The following IRGC variants were observed in gnomAD, a reference collection of about 807,000 sequenced individuals.
IRGC encodes interferon-inducible GTPase 5.
Under a neutral mutation model 16.1 loss-of-function variants are expected in IRGC, and 4 were observed. The observed-to-expected ratio is 0.25, with a 90% CI of 0.12 to 0.57. The LOEUF (loss-of-function observed/expected upper bound fraction) is 0.57, where lower values mean the gene tolerates loss of function less well. Ranked by LOEUF, IRGC falls within the 20% of genes least tolerant of loss-of-function variation. The pLI, the probability that IRGC is intolerant of heterozygous loss-of-function variation, is 0.92. For synonymous variants in IRGC, 307 were observed against 299.5 expected, an observed-to-expected ratio of 1.03 and a Z score of -0.26; for missense variants, 570 against 643.9, an observed-to-expected ratio of 0.89 and a Z score of 1.24.
Position 43,719,537 on chromosome 19 carries a change from C to T in IRGC, c.979C>T (p.Arg327Cys), listed in dbSNP as rs757989962. The change falls in exon 2 of 2, where the codon CGC becomes TGC. Residue 327 changes from arginine to cysteine, a missense_variant. Physicochemically the swap from Arg to Cys is radical, Grantham distance 180 (BLOSUM62 -3). Coordinates refer to ENST00000244314, the MANE Select transcript of IRGC (RefSeq NM_019612.4). ...GGTGGGCAAACAGGCAGGTGACCTG[C>T]GCTCGGTCATCCGCTCCCCACTGGC... is the stretch of plus-strand genomic sequence containing the variant. ...EQVGKQAGDL[R>C]SVIRSPLANE... The T allele has an allele frequency of 5.0e-6, 8 of 1,602,828 alleles. No individual in the cohort carries two copies. The highest frequency in any genetic ancestry group is 1.1e-5 in the South Asian group (1 of 91,066).
intron 1 of IRGC, among the ~76,000 whole-genome samples, chr19:43,716,476 T>G (rs1369771910): frequency 6.6e-6 from 1 of 152,074 alleles, no homozygotes; most frequent in Non-Finnish European, 1.5e-5. Context: ...GAGCTGGGAC[T>G]ACAGGCATGC....
rs1968209165 is a variant in IRGC, at chr19:43,718,622, G to A, written c.64G>A (p.Glu22Lys). The change falls in exon 2 of 2, where the codon GAA becomes AAA. Residue 22 changes from glutamate to lysine, a missense_variant. Coordinates refer to ENST00000244314, the MANE Select transcript of IRGC (RefSeq NM_019612.4). ...GGAAAACACCATCCTTATGGCCAAGGAAAGGCTGGAGGCCCTGCGCACAGC... is the reference window on the plus strand; with the variant it reads ...GGAAAACACCATCCTTATGGCCAAGAAAAGGCTGGAGGCCCTGCGCACAGC... Reference protein sequence around the residue: ...EEENTILMAKERLEALRTAFE... With the variant: ...EEENTILMAKKRLEALRTAFE... 6.2e-7 allele frequency: 1 copy of A among 1,612,104 alleles called. No homozygotes were observed.
chr19:43,716,935 C>T (rs1360279595), intron 1 of IRGC, among the ~76,000 whole-genome samples: 1 of 152,028 alleles, frequency 6.6e-6, no homozygotes, highest in Non-Finnish European at 1.5e-5. Context: ...TCCCAGGGCA[C>T]CCTGAAGACC....
At chr19:43,716,936 C>T (rs1968178720) in intron 1 of IRGC, among the ~76,000 whole-genome samples, 2 of 152,008 alleles carry the variant, frequency 1.3e-5, no homozygotes, top group African/African-American at 4.8e-5. Flanking sequence ...CCCAGGGCAC[C>T]CTGAAGACCC....
At chr19:43,718,469 G>C (rs1968203751) in intron 1 of IRGC, 24 bp from the exon 2 acceptor site, 5 of 1,498,424 alleles carry the variant, frequency 3.3e-6, no homozygotes, top group Non-Finnish European at 4.4e-6. Context: ...CAGGAGGTGT[G>C]AATGGCTCCC....
chr19:43,718,854 A>G lies in IRGC; in HGVS notation c.296A>G (p.Tyr99Cys), dbSNP rs776442341. The G allele has an allele frequency of 6.2e-7, 1 of 1,613,194 alleles. No individual in the cohort carries two copies. Among genetic ancestry groups the G allele is most frequent in the Admixed American group, 1.7e-5 (1 of 60,028 alleles). Residue 99 changes from tyrosine to cysteine, a missense_variant, in exon 2 of 2, where the codon TAT becomes TGT. By Grantham distance (194) the Tyr-to-Cys change is radical. Transcript: ENST00000244314. ...GAGACCACGATGCAACCGTCGCCCT[A>G]TCCACACCCACAGTTCCCTGACGTG... ...VMETTMQPSPYPHPQFPDVTL... is the reference protein window; with the variant it reads ...VMETTMQPSPCPHPQFPDVTL...
chr19:43,717,105 G>A (rs985182037), intron 1 of IRGC, among the ~76,000 whole-genome samples: 12 of 152,078 alleles, frequency 7.9e-5, no homozygotes, highest in Admixed American at 7.9e-4. Flanking sequence ...GGGAGGCAAG[G>A]GCTGCCATGG....
rs1968186740 is a variant in IRGC, at chr19:43,717,379, C to G, written c.-66-1114C>G. On this transcript the variant is annotated intron_variant, in intron 1 of 1. Coordinates refer to ENST00000244314, the MANE Select transcript of IRGC (RefSeq NM_019612.4). ...ATGACGATGATGGTGATGCCAATGACACGAGGCACCTGCCCTGAGCCAGGC... is the reference window on the plus strand; with the variant it reads ...ATGACGATGATGGTGATGCCAATGAGACGAGGCACCTGCCCTGAGCCAGGC... Among the ~76,000 whole-genome samples the G allele has an allele frequency of 2.6e-5, 4 of 152,314 alleles. No homozygotes were observed. The South Asian group carries it at 8.3e-4, about 32-fold the overall frequency.
intron 1 of IRGC, among the ~76,000 whole-genome samples, chr19:43,716,878 CCTT>C (rs1216297774): frequency 6.6e-6 from 1 of 152,122 alleles, no homozygotes; most frequent in Non-Finnish European, 1.5e-5. Flanking sequence ...GAGCCTCAGT[CCTT>C]CTCCCTGTCA....
rs1351994205 is a variant in IRGC at position 43,718,651 on chromosome 19, T to C, written c.93T>C (p.Phe31=). The C allele has an allele frequency of 6.2e-7, 1 of 1,613,490 alleles. No individual in the cohort carries two copies. The highest frequency in any genetic ancestry group is 8.5e-7 in the Non-Finnish European group (1 of 1,180,006). The part of the protein sequence containing the change: ...KERLEALRTA[F]ESGDLPQAAS... The stretch of plus-strand genomic sequence containing the variant: ...GGCTGGAGGCCCTGCGCACAGCCTT[T>C]GAGTCGGGTGACCTCCCCCAGGCCG... The change falls in exon 2 of 2, where the codon TTT becomes TTC. Residue 31 remains phenylalanine (F), a synonymous_variant. Coordinates refer to ENST00000244314, the MANE Select transcript of IRGC (RefSeq NM_019612.4).
rs1007949164 is a variant in IRGC, at chr19:43,719,017, C to T, written c.459C>T (p.Ala153=). ...RRCGAVETRL[A]AEILCQGKKF... is the part of the protein sequence containing the mutation. Reference sequence around the variant, plus strand: ...GCGGGGCCGTCGAGACCCGCCTGGCCGCTGAGATCCTGTGCCAGGGCAAGA... The same window carrying T: ...GCGGGGCCGTCGAGACCCGCCTGGCTGCTGAGATCCTGTGCCAGGGCAAGA... The change falls in exon 2 of 2, where the codon GCC becomes GCT. Residue 153 remains alanine, a synonymous_variant. Transcript: ENST00000244314. The T allele has an allele frequency of 7.4e-6, 12 of 1,612,576 alleles. No homozygotes were observed. In the African/African-American group the frequency reaches 1.2e-4, roughly 16 times the overall value.
chr19:43,719,393 G>A lies in IRGC; in HGVS notation c.835G>A (p.Ala279Thr). ...CGCCCTGGTGTTGGGCGTCATCCAG[G>A]CCCTGCCGGTCCCAGGGCTGGCGGC... is the stretch of plus-strand genomic sequence containing the variant. ...KTALVLGVIQ[A>T]LPVPGLAAAY... The change falls in exon 2 of 2, where the codon GCC (alanine) becomes ACC (threonine). Residue 279 changes from alanine to threonine, a missense_variant. Ala to Thr is a moderately conservative substitution (Grantham distance 58, BLOSUM62 0). Transcript: ENST00000244314. 1 of 1,609,838 alleles carries A rather than the reference G, an allele frequency of 6.2e-7. No homozygotes were observed. The highest frequency in any genetic ancestry group is 8.5e-7 in the Non-Finnish European group (1 of 1,177,304).
At position 43,719,695 on chromosome 19, in the gene IRGC, C is replaced by T. The variant is rs769639199; in HGVS notation, c.1137C>T (p.Gly379=). Residue 379 remains glycine, a synonymous_variant, in exon 2 of 2, where the codon GGC becomes GGT. Coordinates refer to ENST00000244314, the MANE Select transcript of IRGC (RefSeq NM_019612.4). The part of the protein sequence containing the change: ...GTLVAGGISF[G]AVYTMLQGCL... ...TGGTGGCTGGCGGCATCAGCTTTGGCGCTGTCTACACCATGCTCCAGGGCT... is the reference window on the plus strand; with the variant it reads ...TGGTGGCTGGCGGCATCAGCTTTGGTGCTGTCTACACCATGCTCCAGGGCT... 1.6e-5 allele frequency: 26 copies of T among 1,611,412 alleles called. No homozygotes were observed. The highest frequency in any genetic ancestry group is 2.2e-5 in the South Asian group (2 of 90,994).
At chr19:43,717,874 C>T (rs1167377947) in intron 1 of IRGC, among the ~76,000 whole-genome samples, 1 of 152,154 alleles carries the variant, frequency 6.6e-6, no homozygotes. Context: ...TCAAGACCAG[C>T]TGGGACAACA....
rs759571667 is a variant in IRGC, at chr19:43,719,160, G to C, written c.602G>C (p.Arg201Pro). 1.4e-5 allele frequency: 23 copies of C among 1,609,468 alleles called. No homozygotes were observed. In the South Asian group the frequency reaches 2.4e-4, roughly 17 times the overall value. The stretch of plus-strand genomic sequence containing the variant: ...GAGATCCGAGACCACTGTGCCGAGC[G>C]GCTGCGGGAGGCCGGCGTGGCTGAC... Reference protein sequence around the residue: ...LQEIRDHCAERLREAGVADPR... With the variant: ...LQEIRDHCAEPLREAGVADPR... Residue 201 changes from arginine (R) to proline (P), a missense_variant, in exon 2 of 2, where the codon CGG becomes CCG. Coordinates refer to ENST00000244314, the MANE Select transcript of IRGC (RefSeq NM_019612.4).
chr19:43,719,591 C>G lies in IRGC; in HGVS notation c.1033C>G (p.Arg345Gly). 2 of 1,602,622 alleles carry G rather than the reference C, an allele frequency of 1.2e-6. No homozygotes were observed. Among genetic ancestry groups the G allele is most frequent in the Non-Finnish European group, 1.7e-6 (2 of 1,179,806 alleles). The part of the protein sequence containing the change: ...ANEVSPETVL[R>G]LYSQSSDGAM... ...CGAGGTCTCGCCTGAGACTGTCCTG[C>G]GGCTCTATTCCCAGTCGTCCGACGG... Residue 345 changes from arginine (R) to glycine (G), a missense_variant, in exon 2 of 2, where the codon CGG becomes GGG. By Grantham distance (125) the Arg-to-Gly change is moderately radical. Coordinates refer to ENST00000244314, the MANE Select transcript of IRGC (RefSeq NM_019612.4).
rs1279113510 is a variant in IRGC at position 43,719,808 on chromosome 19, T to G, written c.1250T>G (p.Val417Gly). 1.9e-6 allele frequency: 3 copies of G among 1,613,692 alleles called. No individual in the cohort carries two copies. Among genetic ancestry groups the G allele is most frequent in the Non-Finnish European group, 2.5e-6 (3 of 1,179,890 alleles). The change falls in exon 2 of 2, where the codon GTG becomes GGG. Residue 417 changes from valine to glycine, a missense_variant. By Grantham distance (109) the Val-to-Gly change is moderately radical (BLOSUM62 -3). Transcript: ENST00000244314. ...CCGCAGCCGGAGGTCAGCTTGGAAGTGGCCAGTGACAATGGCGTGGAAAAG... is the reference window on the plus strand; with the variant it reads ...CCGCAGCCGGAGGTCAGCTTGGAAGGGGCCAGTGACAATGGCGTGGAAAAG... ...DEPQPEVSLE[V>G]ASDNGVEKGG...
chr19:43,716,814 T>C (rs1254870846), intron 1 of IRGC, among the ~76,000 whole-genome samples: 5 of 151,990 alleles, frequency 3.3e-5, no homozygotes, highest in Admixed American at 6.6e-5. Context: ...CCTGGGGACC[T>C]GGGTTGGGGT....
Position 43,719,165 on chromosome 19 carries a change from C to T in IRGC, c.607C>T (p.Arg203Trp), listed in dbSNP as rs752810297. 9 of 1,609,182 alleles carry T rather than the reference C, an allele frequency of 5.6e-6. No individual in the cohort carries two copies. In the South Asian group the frequency reaches 7.7e-5, roughly 14 times the overall value. The change falls in exon 2 of 2, where the codon CGG becomes TGG. Residue 203 changes from arginine to tryptophan, a missense_variant. Coordinates refer to ENST00000244314, the MANE Select transcript of IRGC (RefSeq NM_019612.4). ...EIRDHCAERL[R>W]EAGVADPRIF... is the part of the protein sequence containing the mutation. The stretch of plus-strand genomic sequence containing the variant: ...CCGAGACCACTGTGCCGAGCGGCTG[C>T]GGGAGGCCGGCGTGGCTGACCCTCG...
Sources: allele counts gnomAD v4.1 joint callset (sites outside exome capture counted in the v4.1 genomes callset), GRCh38; gene constraint gnomAD v4.1.1; transcripts MANE v1.5; gene names NCBI Gene and HGNC (gene_info 2026-07-23, HGNC 2026-07-21).